GLT8D2: variants seen among roughly 807,000 people sequenced by gnomAD.
GLT8D2 encodes glycosyltransferase 8 domain containing 2.
GLT8D2 carries 45 observed loss-of-function variants against 44.5 expected under a neutral mutation model. The observed-to-expected ratio is 1.01, with a 90% CI of 0.80 to 1.30. The LOEUF (loss-of-function observed/expected upper bound fraction) is 1.30, where lower values mean the gene tolerates loss of function less well. Ranked by LOEUF, GLT8D2 falls within the 50% of genes most tolerant of loss-of-function variation. GLT8D2 has a pLI of 0.00. For synonymous variants in GLT8D2, 156 were observed against 157.2 expected, an observed-to-expected ratio of 0.99 and a Z score of 0.06; for missense variants, 400 against 430.4, an observed-to-expected ratio of 0.93 and a Z score of 0.62.
chr12:103,991,399 G>A (rs948828385), intron 10 of GLT8D2, among the ~76,000 whole-genome samples: 3 of 152,126 alleles, frequency 2.0e-5, no homozygotes, highest in African/African-American at 4.8e-5. Flanking sequence ...TGTTGGCCAG[G>A]CTGGTCTTGA....
intron 4 of GLT8D2, among the ~76,000 whole-genome samples, chr12:104,008,399 G>T (rs1206036921): frequency 1.3e-5 from 2 of 152,138 alleles, no homozygotes; most frequent in Non-Finnish European, 2.9e-5. Flanking sequence ...GTGGAACTTT[G>T]AACTTGAGAG....
In GLT8D2 at chr12:104,007,587, T is replaced by C. The variant is rs530013147; in HGVS notation, c.113-4281A>G. On this transcript the variant is annotated intron_variant, in intron 4 of 10. Transcript: ENST00000360814. ...TGTTAAGGAGGAAAAGAATACAAAA[T>C]TCTCTCTAGTATTTGATCACTATTT... Among the ~76,000 whole-genome samples the C allele has an allele frequency of 3.3e-5, 5 of 152,334 alleles. No individual in the cohort carries two copies. The South Asian group carries it at 6.2e-4, about 19-fold the overall frequency.
At chr12:104,038,399 T>C (rs1347201868) in intron 1 of GLT8D2, among the ~76,000 whole-genome samples, 2 of 152,186 alleles carry the variant, frequency 1.3e-5, no homozygotes, top group Non-Finnish European at 2.9e-5. Flanking sequence ...GAAAACCCCA[T>C]CGTCTCAGCC....
At chr12:104,016,774 A>AGAAAGAAAGAAGGAAG (rs1566199645) in intron 3 of GLT8D2, among the ~76,000 whole-genome samples, 14 of 58,388 alleles carry the variant, frequency 2.4e-4, no homozygotes, top group African/African-American at 9.7e-4. Flanking sequence ...AAAGAAAGAA[A>AGAAAGAAAGAAGGAAG]GAAGGAAGGA....
intron 1 of GLT8D2, among the ~76,000 whole-genome samples, chr12:104,061,370 C>T (rs1053968949): frequency 6.6e-5 from 10 of 152,048 alleles, no homozygotes; most frequent in Non-Finnish European, 1.2e-4. Flanking sequence ...AGGGTTGGAA[C>T]GTTTGATTTT....
At chr12:104,042,260 C>T (rs907324803) in intron 1 of GLT8D2, among the ~76,000 whole-genome samples, 11 of 152,300 alleles carry the variant, frequency 7.2e-5, no homozygotes, top group African/African-American at 2.4e-4. Flanking sequence ...AGTGTCAACT[C>T]CCCCTTCCTC....
At chr12:104,061,170 G>T (rs1490394847) in intron 1 of GLT8D2, among the ~76,000 whole-genome samples, 1 of 152,140 alleles carries the variant, frequency 6.6e-6, no homozygotes, top group East Asian at 1.9e-4. Context: ...CATTCCTATT[G>T]TTTCACAGCA....
chr12:104,005,948 G>C (rs1874944332), intron 4 of GLT8D2, among the ~76,000 whole-genome samples: 1 of 152,102 alleles, frequency 6.6e-6, no homozygotes, highest in Non-Finnish European at 1.5e-5. Context: ...GTTTACTGCA[G>C]CACTAATCAC....
intron 9 of GLT8D2, 65 bp from the exon 10 acceptor site, chr12:103,993,569 T>C: frequency 1.0e-6 from 1 of 985,124 alleles, no homozygotes; most frequent in Non-Finnish European, 1.5e-6. Context: ...TAAAGTCGAA[T>C]CTGATATTGT....
At chr12:103,995,691 A>C (rs1873322666) in intron 8 of GLT8D2, among the ~76,000 whole-genome samples, 1 of 152,350 alleles carries the variant, frequency 6.6e-6, no homozygotes, top group Middle Eastern at 3.4e-3. Context: ...GCACAGAGTA[A>C]GCACTCAATA....
intron 4 of GLT8D2, among the ~76,000 whole-genome samples, chr12:104,010,280 G>C (rs745685511): frequency 2.6e-5 from 4 of 152,128 alleles, no homozygotes; most frequent in Non-Finnish European, 5.9e-5. Context: ...CAACACCAAA[G>C]CCCTCGTGGT....
chr12:103,989,406 T>G lies in GLT8D2; in HGVS notation c.*2A>C, dbSNP rs781247503. 6.2e-7 allele frequency: 1 copy of G among 1,602,598 alleles called. No individual in the cohort carries two copies. Among genetic ancestry groups the G allele is most frequent in the Non-Finnish European group, 8.5e-7 (1 of 1,175,396 alleles). On this transcript the variant is annotated 3_prime_UTR_variant, in exon 11 of 11. Transcript: ENST00000360814. ...AGGGAATATTTTAAGGGTAGAGTTA[T>G]ATCAGCTATGGTGATTGAGTTTAAA...
chr12:104,019,487 A>G, intron 3 of GLT8D2, 143 bp downstream of exon 3: 1 of 669,738 alleles, frequency 1.5e-6, no homozygotes, highest in Non-Finnish European at 2.6e-6. Context: ...TCTGGAAATG[A>G]TGATGCCAAA....
intron 1 of GLT8D2, chr12:104,031,590 T>C: frequency 6.2e-7 from 1 of 1,605,346 alleles, no homozygotes; most frequent in South Asian, 1.1e-5. Flanking sequence ...TCCCTGCCCA[T>C]CTTGTCCCTC....
intron 3 of GLT8D2, among the ~76,000 whole-genome samples, chr12:104,017,134 A>G (rs1008393658): frequency 3.9e-5 from 6 of 152,290 alleles, no homozygotes; most frequent in Admixed American, 1.3e-4. Flanking sequence ...GAGAAAGTCA[A>G]TCTTTCTGAT....
intron 4 of GLT8D2, 99 bp downstream of exon 4, chr12:104,014,914 G>C (rs1876356617): frequency 3.8e-6 from 3 of 793,836 alleles, no homozygotes; most frequent in East Asian, 2.7e-5. Flanking sequence ...TGACCAAACT[G>C]TCACTTGTCC....
chr12:104,048,633 A>C (rs958805887), intron 1 of GLT8D2, among the ~76,000 whole-genome samples: 11 of 152,328 alleles, frequency 7.2e-5, no homozygotes, highest in African/African-American at 2.4e-4. Flanking sequence ...TGAAGGAAGA[A>C]AGGAAGAAAG....
intron 3 of GLT8D2, among the ~76,000 whole-genome samples, chr12:104,016,778 G>GAAAGAAA (rs1566199678): frequency 1.4e-3 from 89 of 62,682 alleles, no homozygotes; most frequent in African/African-American, 2.5e-3. Flanking sequence ...AAAGAAAGAA[G>GAAAGAAA]GAAGGAAGGA....
intron 6 of GLT8D2, among the ~76,000 whole-genome samples, chr12:103,998,529 A>T (rs1873791132): frequency 6.6e-6 from 1 of 151,514 alleles, no homozygotes; most frequent in Non-Finnish European, 1.5e-5. Context: ...CCTGCCTCAG[A>T]CTCCCGAGTA....
Sources: allele counts gnomAD v4.1 joint callset (sites outside exome capture counted in the v4.1 genomes callset), GRCh38; gene constraint gnomAD v4.1.1; transcripts MANE v1.5; gene names NCBI Gene and HGNC (gene_info 2026-07-23, HGNC 2026-07-21).